The following ZSWIM5 variants were observed in gnomAD, a reference collection of about 807,000 sequenced individuals.
The protein encoded by ZSWIM5 is zinc finger SWIM domain-containing protein 5.
In ZSWIM5, 55 loss-of-function variants were observed where a neutral mutation model predicts 119.6. The ratio of observed to expected loss-of-function variants is 0.46; its 90% CI spans 0.37 to 0.58. The LOEUF is 0.58. Among genes scored for constraint, ZSWIM5 ranks in the 20% least tolerant of loss-of-function variants. ZSWIM5 has a pLI of 0.00. For synonymous variants in ZSWIM5, 537 were observed against 606.9 expected (o/e 0.88, Z 1.69); for missense variants, 1,193 against 1,512.8 (o/e 0.79, Z 3.51).
chr1:45,135,722 T>C (rs1380398479), intron 1 of ZSWIM5, among the ~76,000 whole-genome samples: 2 of 152,260 alleles, frequency 1.3e-5, no homozygotes. Flanking sequence ...TGACTTTTAA[T>C]CTTCCATTAT....
chr1:45,156,782 A>G (rs1330402886), intron 1 of ZSWIM5, among the ~76,000 whole-genome samples: 1 of 152,006 alleles, frequency 6.6e-6, no homozygotes, highest in Admixed American at 6.5e-5. Flanking sequence ...TTGGGCAAAT[A>G]AAACAAATGG....
At chr1:45,105,240 G>A (rs578080801) in intron 1 of ZSWIM5, among the ~76,000 whole-genome samples, 28 of 152,188 alleles carry the variant, frequency 1.8e-4, no homozygotes, top group Admixed American at 1.6e-3. Flanking sequence ...ACGGAGTCTC[G>A]CTCACTCATG....
At chr1:45,092,113 C>CT (rs1645369397) in intron 1 of ZSWIM5, among the ~76,000 whole-genome samples, 1 of 152,122 alleles carries the variant, frequency 6.6e-6, no homozygotes, top group East Asian at 1.9e-4. Context: ...CAGAACTTTG[C>CT]ATATTATAGT....
At position 45,060,106 on chromosome 1, in the gene ZSWIM5, A is replaced by T; in HGVS notation, c.1094T>A (p.Phe365Tyr). The T allele has an allele frequency of 6.2e-7, 1 of 1,614,160 alleles. No homozygotes were observed. Among genetic ancestry groups the T allele is most frequent in the Non-Finnish European group, 8.5e-7 (1 of 1,180,002 alleles). The change falls in exon 3 of 14, where the codon TTT becomes TAT. Residue 365 changes from phenylalanine (F) to tyrosine (Y), a missense_variant. By Grantham distance (22) the Phe-to-Tyr change is conservative (BLOSUM62 3). This residue lies in a region of ZSWIM5 where 961 missense variants were observed against 1,290.0 expected (regional missense o/e 0.74). Transcript: ENST00000359600. ...CACCTTTTCATATCTTACCTTGGCA[A>T]ACATTGAGTTGAGTTGCTTTCCAGA... ...CGSGKQLNSM[F>Y]AKVREMLRMR... is the part of the protein sequence containing the mutation.
At chr1:45,060,388 A>C (rs1485177482) in intron 2 of ZSWIM5, 141 bp from the exon 3 acceptor site, 1 of 745,954 alleles carries the variant, frequency 1.3e-6, no homozygotes, top group Non-Finnish European at 2.1e-6. Flanking sequence ...ATAGTCCTAA[A>C]CAAAATAAAT....
intron 1 of ZSWIM5, among the ~76,000 whole-genome samples, chr1:45,199,257 C>G (rs1319056626): frequency 6.6e-6 from 1 of 151,448 alleles, no homozygotes; most frequent in Non-Finnish European, 1.5e-5. Flanking sequence ...AAGAAAACCA[C>G]TAGGCAGAAG....
chr1:45,070,480 T>C (rs1645215289), intron 2 of ZSWIM5: 5 of 926,242 alleles, frequency 5.4e-6, no homozygotes, highest in Admixed American at 2.7e-5. Flanking sequence ...TTCCAACAAT[T>C]CTATTGAGTT....
At chr1:45,039,594 A>G (rs982394531) in intron 7 of ZSWIM5, among the ~76,000 whole-genome samples, 1 of 152,164 alleles carries the variant, frequency 6.6e-6, no homozygotes, top group Non-Finnish European at 1.5e-5. Flanking sequence ...TATGTTGGCC[A>G]GGCTGGTCTT....
intron 1 of ZSWIM5, among the ~76,000 whole-genome samples, chr1:45,191,944 G>A (rs1167649042): frequency 6.6e-6 from 1 of 152,046 alleles, no homozygotes; most frequent in Non-Finnish European, 1.5e-5. Context: ...AAAGATTTGT[G>A]CAACCATTGC....
intron 11 of ZSWIM5, among the ~76,000 whole-genome samples, chr1:45,021,440 G>A (rs79747238): frequency 1.3e-5 from 2 of 152,192 alleles, no homozygotes; most frequent in East Asian, 3.8e-4. Context: ...GGGCAAAAAG[G>A]AGCGGGGCCA....
At chr1:45,056,017 G>C (rs930888789) in intron 4 of ZSWIM5, among the ~76,000 whole-genome samples, 3 of 152,154 alleles carry the variant, frequency 2.0e-5, no homozygotes, top group Non-Finnish European at 4.4e-5. Flanking sequence ...AAACTGCTAA[G>C]CGTTTTGAAG....
chr1:45,081,253 C>G (rs1444245801), intron 2 of ZSWIM5, among the ~76,000 whole-genome samples: 1 of 151,234 alleles, frequency 6.6e-6, no homozygotes, highest in Non-Finnish European at 1.5e-5. Context: ...CTCTCCCTCT[C>G]CCTCTCCCTC....
At chr1:45,098,509 T>A (rs1290989210) in intron 1 of ZSWIM5, among the ~76,000 whole-genome samples, 1 of 152,112 alleles carries the variant, frequency 6.6e-6, no homozygotes, top group East Asian at 1.9e-4. Context: ...ATCATGTCAT[T>A]CCTATAAAAC....
Position 45,205,742 on chromosome 1 carries a change from G to T in ZSWIM5, c.595+14C>A. Reference sequence around the variant, plus strand: ...GGAGGCTGAGGACCCGAGAACGCCTGGACGAGCACATACCGACTTGCAGCA... The same window carrying T: ...GGAGGCTGAGGACCCGAGAACGCCTTGACGAGCACATACCGACTTGCAGCA... On this transcript the variant is annotated intron_variant, in intron 1 of 13. Coordinates refer to ENST00000359600, the MANE Select transcript of ZSWIM5 (RefSeq NM_020883.2). 1 of 1,552,966 alleles carries T rather than the reference G, an allele frequency of 6.4e-7. No homozygotes were observed. The highest frequency in any genetic ancestry group is 8.7e-7 in the Non-Finnish European group (1 of 1,153,932).
chr1:45,116,307 G>A (rs1454423582), intron 1 of ZSWIM5, among the ~76,000 whole-genome samples: 1 of 152,140 alleles, frequency 6.6e-6, no homozygotes, highest in Admixed American at 6.5e-5. Context: ...AGAGAATATA[G>A]GAGATTTTAA....
intron 11 of ZSWIM5, among the ~76,000 whole-genome samples, chr1:45,034,089 G>A (rs1291410644): frequency 1.3e-5 from 2 of 152,096 alleles, no homozygotes; most frequent in Non-Finnish European, 2.9e-5. Flanking sequence ...TCTTGACCTC[G>A]TGATCTCCCG....
intron 11 of ZSWIM5, among the ~76,000 whole-genome samples, chr1:45,022,415 C>T (rs960025123): frequency 3.9e-5 from 6 of 152,054 alleles, no homozygotes; most frequent in Admixed American, 3.3e-4. Flanking sequence ...CAGGTGTGAG[C>T]CACCGCACCT....
intron 11 of ZSWIM5, among the ~76,000 whole-genome samples, chr1:45,025,180 A>G (rs1297658769): frequency 1.3e-5 from 2 of 152,152 alleles, no homozygotes; most frequent in Non-Finnish European, 2.9e-5. Flanking sequence ...ATTTTGTTCC[A>G]TTGATCTGTT....
At chr1:45,083,068 AAGG>A (rs1645304083) in intron 2 of ZSWIM5, among the ~76,000 whole-genome samples, 1 of 152,162 alleles carries the variant, frequency 6.6e-6, no homozygotes, top group Non-Finnish European at 1.5e-5. Context: ...AGGTCTCAAA[AAGG>A]AGGTCAGCGT....
Sources: allele counts gnomAD v4.1 joint callset (sites outside exome capture counted in the v4.1 genomes callset), GRCh38; gene constraint gnomAD v4.1.1; regional missense constraint gnomAD v4.1.1; transcripts MANE v1.5; gene names NCBI Gene and HGNC (gene_info 2026-07-23, HGNC 2026-07-21).